ARID1B: variants seen among roughly 807,000 people sequenced by gnomAD.
ARID1B encodes the protein AT-rich interaction domain 1B, also known as AT-rich interactive domain-containing protein 1B.
A neutral mutation model predicts 212.3 loss-of-function variants in ARID1B; 30 were observed. The ratio of observed to expected loss-of-function variants is 0.14; its 90% CI spans 0.11 to 0.19. ARID1B has a LOEUF of 0.19. Ranked by LOEUF, ARID1B falls within the 10% of genes least tolerant of loss-of-function variation. The pLI, the probability that ARID1B is intolerant of heterozygous loss-of-function variation, is 1.00. For synonymous variants in ARID1B, 1,402 were observed against 1,301.7 expected, an observed-to-expected ratio of 1.08 and a Z score of -1.66; for missense variants, 2,891 against 3,204.0, an observed-to-expected ratio of 0.90 and a Z score of 2.36.
chr6:157,154,999 C>G (rs553772659), intron 8 of ARID1B, among the ~76,000 whole-genome samples: 3 of 152,104 alleles, frequency 2.0e-5, no homozygotes, highest in Admixed American at 2.0e-4. Flanking sequence ...CAAATAGTAA[C>G]GAGTATCTTC....
chr6:157,135,115 G>GT (rs1788823571), intron 7 of ARID1B, among the ~76,000 whole-genome samples: 1 of 150,214 alleles, frequency 6.7e-6, no homozygotes, highest in South Asian at 2.1e-4. Flanking sequence ...CTAAATCCCT[G>GT]TTTTTCAGTA....
Position 157,206,431 on chromosome 6 carries a change from G to C in ARID1B, c.5659G>C (p.Ala1887Pro), listed in dbSNP as rs1280712992. 1 of 1,614,108 alleles carries C rather than the reference G, an allele frequency of 6.2e-7. No homozygotes were observed. Among genetic ancestry groups the C allele is most frequent in the East Asian group, 2.2e-5 (1 of 44,886 alleles). Residue 1887 changes from alanine to proline, a missense_variant, in exon 20 of 20, where the codon GCT (alanine) becomes CCT (proline). Around this residue, in one of 7 missense-constraint regions of ARID1B, gnomAD observed 332 missense variants for 369.2 expected, o/e 0.90. Coordinates refer to ENST00000636930, the MANE Select transcript of ARID1B (RefSeq NM_001374828.1). The surrounding 1 kb of genome is among the most constrained non-coding windows in gnomAD (Gnocchi z 6.8). ...KTESDEKSSI[A>P]LTAPDAAADP... ...AGAAAGCGATGAAAAGAGCAGCATC[G>C]CTCTGACTGCCCCGGACGCCGCTGC... is the stretch of plus-strand genomic sequence containing the variant.
At chr6:156,852,343 G>A (rs1784633237) in intron 2 of ARID1B, among the ~76,000 whole-genome samples, 1 of 152,006 alleles carries the variant, frequency 6.6e-6, no homozygotes, top group Non-Finnish European at 1.5e-5. Flanking sequence ...TCAAGCTTGA[G>A]CGGTTGAAGT....
chr6:157,082,109 C>CACTAG (rs1257575293), intron 4 of ARID1B, among the ~76,000 whole-genome samples: 3 of 152,124 alleles, frequency 2.0e-5, no homozygotes, highest in Non-Finnish European at 4.4e-5. Context: ...ATGGAGTTGT[C>CACTAG]ACTCAGTATT....
At chr6:156,858,809 A>G (rs557166898) in intron 2 of ARID1B, among the ~76,000 whole-genome samples, 8 of 152,254 alleles carry the variant, frequency 5.3e-5, no homozygotes, top group African/African-American at 1.9e-4. Context: ...CACATACCCC[A>G]TGAATATGTA....
intron 3 of ARID1B, among the ~76,000 whole-genome samples, chr6:156,911,207 A>G (rs1034380945): frequency 6.6e-6 from 1 of 152,204 alleles, no homozygotes; most frequent in Non-Finnish European, 1.5e-5. Context: ...GAGCAAAACA[A>G]AGTATAATCT....
In ARID1B at chr6:157,206,801, C is replaced by T. The variant is rs911169696; in HGVS notation, c.6029C>T (p.Ala2010Val). The stretch of plus-strand genomic sequence containing the variant: ...GACGTCCTCTCTGCTCGGCCAGGGG[C>T]ATTGCCTGAAGACGCAAACCCTGGG... The part of the protein sequence containing the change: ...IDDVLSARPG[A>V]LPEDANPGPQ... The change falls in exon 20 of 20, where the codon GCA becomes GTA. Residue 2010 changes from alanine to valine, a missense_variant. Ala to Val is a moderately conservative substitution (Grantham distance 64, BLOSUM62 0). Transcript: ENST00000636930. The surrounding 1 kb of genome is among the most constrained non-coding windows in gnomAD (Gnocchi z 6.8). The T allele has an allele frequency of 3.1e-6, 5 of 1,614,042 alleles. No individual in the cohort carries two copies. The highest frequency in any genetic ancestry group is 4.2e-6 in the Non-Finnish European group (5 of 1,180,046).
rs779490460 is a variant in ARID1B, at chr6:157,206,686, C to A, written c.5914C>A (p.Pro1972Thr). 2.0e-5 allele frequency: 32 copies of A among 1,612,664 alleles called. No individual in the cohort carries two copies. Among genetic ancestry groups the A allele is most frequent in the African/African-American group, 5.3e-5 (4 of 74,828 alleles). Residue 1972 changes from proline (P) to threonine (T), a missense_variant, in exon 20 of 20, where the codon CCC (proline) becomes ACC (threonine). By Grantham distance (38) the Pro-to-Thr change is conservative (BLOSUM62 -1). Coordinates refer to ENST00000636930, the MANE Select transcript of ARID1B (RefSeq NM_001374828.1). The surrounding 1 kb of genome is among the most constrained non-coding windows in gnomAD (Gnocchi z 6.8). ...EIPPRRRPPPPLSSAGRKKEQ... is the reference protein window; with the variant it reads ...EIPPRRRPPPTLSSAGRKKEQ... ...TCCTCCTCGCAGGCGCCCACCTCCC[C>A]CCTTAAGCTCCGCAGGTAGAAAGAA...
At chr6:157,163,492 G>T (rs1335287232) in intron 8 of ARID1B, among the ~76,000 whole-genome samples, 4 of 152,196 alleles carry the variant, frequency 2.6e-5, no homozygotes, top group Non-Finnish European at 4.4e-5. Context: ...ACTCTTGGCA[G>T]TAGTGTCTCA....
chr6:157,051,031 C>T (rs1436344063), intron 4 of ARID1B, among the ~76,000 whole-genome samples: 1 of 152,202 alleles, frequency 6.6e-6, no homozygotes, highest in South Asian at 2.1e-4. Context: ...AACTGCCACT[C>T]AGTTTTTATT....
intron 13 of ARID1B, among the ~76,000 whole-genome samples, chr6:157,188,411 C>T (rs865823702): frequency 6.6e-6 from 1 of 152,110 alleles, no homozygotes. Flanking sequence ...CTGAGGCTTT[C>T]CGAGTAGAAA....
chr6:156,840,151 C>T (rs1783793495), intron 2 of ARID1B, among the ~76,000 whole-genome samples: 1 of 152,216 alleles, frequency 6.6e-6, no homozygotes, highest in Non-Finnish European at 1.5e-5. Context: ...TGGGCCACAA[C>T]CCCTCCTCTG....
intron 4 of ARID1B, among the ~76,000 whole-genome samples, chr6:156,956,123 G>A (rs1739480719): frequency 6.6e-6 from 1 of 152,208 alleles, no homozygotes. Flanking sequence ...GACAAGAGCA[G>A]GGCCTCTGCT....
intron 5 of ARID1B, among the ~76,000 whole-genome samples, chr6:157,102,136 A>G (rs1786086473): frequency 6.6e-6 from 1 of 152,144 alleles, no homozygotes; most frequent in South Asian, 2.1e-4. Flanking sequence ...ATAGTTGTAT[A>G]CTGTAGTAAT....
intron 1 of ARID1B, among the ~76,000 whole-genome samples, chr6:156,798,759 T>G: frequency 6.6e-6 from 1 of 152,234 alleles, no homozygotes; most frequent in South Asian, 2.1e-4. Flanking sequence ...TTCATAGAGA[T>G]TATTGCATTT....
At chr6:157,192,663 C>T (rs184405492) in intron 15 of ARID1B, among the ~76,000 whole-genome samples, 6 of 152,348 alleles carry the variant, frequency 3.9e-5, no homozygotes, top group Non-Finnish European at 7.3e-5. Flanking sequence ...TGGTGACTGT[C>T]TGTAATGTTG....
chr6:156,800,074 G>A (rs559567140), intron 1 of ARID1B, among the ~76,000 whole-genome samples: 5 of 152,166 alleles, frequency 3.3e-5, no homozygotes, highest in African/African-American at 7.2e-5. Flanking sequence ...GAACTGAAGC[G>A]TATTTCTTCT....
intron 4 of ARID1B, among the ~76,000 whole-genome samples, chr6:156,979,934 G>A (rs749329867): frequency 2.0e-5 from 3 of 152,086 alleles, no homozygotes; most frequent in Non-Finnish European, 2.9e-5. Flanking sequence ...GTGCAGTGGC[G>A]TGATCATAGC....
At chr6:157,005,132 TTTG>T (rs150174504) in intron 4 of ARID1B, among the ~76,000 whole-genome samples, 10,478 of 148,838 alleles carry the variant, frequency 0.07, 1,181 homozygotes, top group African/African-American at 0.24. Context: ...CAGGCTGTTT[TTTG>T]TTGTTGTTGT....
Sources: allele counts gnomAD v4.1 joint callset (sites outside exome capture counted in the v4.1 genomes callset), GRCh38; gene constraint gnomAD v4.1.1; regional missense constraint gnomAD v4.1.1; non-coding constraint Gnocchi (gnomAD v3.1); transcripts MANE v1.5; gene names NCBI Gene and HGNC (gene_info 2026-07-23, HGNC 2026-07-21).